Variants in IRAG2 observed in about 807,000 individuals in gnomAD.
IRAG2 encodes lymphoid restricted membrane protein.
In IRAG2, 45 loss-of-function variants were observed where a neutral mutation model predicts 69.9. The observed-to-expected ratio is 0.64, with a 90% confidence interval of 0.51 to 0.83. IRAG2 has a LOEUF of 0.83. Ranked by LOEUF, IRAG2 falls within the 40% of genes least tolerant of loss-of-function variation. The pLI, the probability that IRAG2 is intolerant of heterozygous loss-of-function variation, is 0.00. For synonymous variants in IRAG2, 193 were observed against 202.4 expected (o/e 0.95, Z 0.40); for missense variants, 520 against 587.0 (o/e 0.89, Z 1.18).
chr12:25,087,767 C>A (rs1273949864), intron 10 of IRAG2, among the ~76,000 whole-genome samples: 1 of 152,162 alleles, frequency 6.6e-6, no homozygotes, highest in African/African-American at 2.4e-5. Context: ...GACCACCTGA[C>A]CTCTGCCTCC....
At chr12:25,104,230 G>C (rs971137191) in intron 19 of IRAG2, 131 bp from the exon 20 acceptor site, 5 of 826,404 alleles carry the variant, frequency 6.1e-6, no homozygotes, top group African/African-American at 3.8e-5. Context: ...TAAAGTAGGA[G>C]ATCTGTGAAT....
At chr12:25,104,201 A>C in intron 19 of IRAG2, 143 bp downstream of exon 19, 1 of 865,342 alleles carries the variant, frequency 1.2e-6, no homozygotes, top group Non-Finnish European at 1.8e-6. Flanking sequence ...TTGGTATCTA[A>C]TTATGAAGTT....
At chr12:25,086,160 GAT>G (rs1565573720) in intron 10 of IRAG2, among the ~76,000 whole-genome samples, 2 of 152,158 alleles carry the variant, frequency 1.3e-5, no homozygotes, top group African/African-American at 4.8e-5. Flanking sequence ...GACTGGTTAG[GAT>G]ACTATGGCAA....
chr12:25,077,027 C>G (rs1183219516), intron 6 of IRAG2, among the ~76,000 whole-genome samples: 3 of 150,970 alleles, frequency 2.0e-5, no homozygotes, highest in East Asian at 3.9e-4. Context: ...AGGTGTACAC[C>G]ACTGTGCCCT....
At chr12:25,087,445 G>T (rs181059596) in intron 10 of IRAG2, among the ~76,000 whole-genome samples, 96 of 152,180 alleles carry the variant, frequency 6.3e-4, no homozygotes, top group Non-Finnish European at 1.3e-3. Flanking sequence ...TGAGATTACA[G>T]GCGTGAGCCA....
At position 25,077,875 on chromosome 12, in the gene IRAG2, C is replaced by T. The variant is rs903824600; in HGVS notation, c.25-1369C>T. Among the ~76,000 whole-genome samples the T allele has an allele frequency of 5.3e-5, 8 of 152,270 alleles. No individual in the cohort carries two copies. In the South Asian group the frequency reaches 1.0e-3, roughly 20 times the overall value. On this transcript the variant is annotated intron_variant, in intron 6 of 21. Coordinates refer to ENST00000556887, the MANE Select transcript of IRAG2 (RefSeq NM_001366544.2). Reference sequence around the variant, plus strand: ...TGATGCAGAAGTAGGTATAAATCCTCGCTTTGCAAGTTCGATTGTAGATTT... The same window carrying T: ...TGATGCAGAAGTAGGTATAAATCCTTGCTTTGCAAGTTCGATTGTAGATTT...
In IRAG2 at chr12:25,025,174, C is replaced by T. The variant is rs185230116; in HGVS notation, c.1383+1253C>T. 6.2e-4 allele frequency among the ~76,000 whole-genome samples: 94 copies of T among 152,064 alleles called. 2 individuals are homozygous for T. In the South Asian group the frequency reaches 0.017, roughly 27 times the overall value. ...GCTCATGTGGAACTAGTATGTTAGA[C>T]GGTAAAAAGAGCTATAGAGAAAAGA... On this transcript the variant is annotated intron_variant, in intron 8 of 38. Coordinates refer to the IRAG2 transcript ENST00000636465.
chr12:25,062,511 A>C (rs1319457991), intron 2 of IRAG2, among the ~76,000 whole-genome samples: 1 of 152,178 alleles, frequency 6.6e-6, no homozygotes, highest in Non-Finnish European at 1.5e-5. Context: ...TTTCACAGAC[A>C]CCATTTTCAC....
Position 25,012,143 on chromosome 12 carries a change from C to CTTTTTTTTTTTTTTTTTTT in IRAG2, c.896+592_896+593insTTTTTTTTTTTTTTTTTTT, listed in dbSNP as rs1944480147. On this transcript the variant is annotated intron_variant, in intron 3 of 38. Transcript: ENST00000636465. ...GTCTTCTTCCACAGAAAGCGAATTCCCTTTTTTTTTTTTTTTTTTTTTTTT... is the reference window on the plus strand; with the variant it reads ...GTCTTCTTCCACAGAAAGCGAATTCCTTTTTTTTTTTTTTTTTTTCTTTTTTTTTTTTTTTTTTTTTTTT... Among the ~76,000 whole-genome samples the CTTTTTTTTTTTTTTTTTTT allele has an allele frequency of 7.1e-4, 17 of 24,096 alleles. 8 individuals are homozygous for CTTTTTTTTTTTTTTTTTTT. Among genetic ancestry groups the CTTTTTTTTTTTTTTTTTTT allele is most frequent in the Non-Finnish European group, 6.8e-4 (5 of 7,326 alleles). 15.8% of individuals were successfully genotyped at this position (24,096 alleles called of 152,430 possible). A position where few individuals can be genotyped will look rare whatever the true frequency, so the allele number is the denominator to read the frequency against.
In IRAG2 at chr12:25,062,890, A is replaced by G; in HGVS notation, c.-314A>G. On this transcript the variant is annotated 5_prime_UTR_variant, in exon 3 of 22. Transcript: ENST00000556887. ...GCAGATGCAATTCAACAACCTCTTC[A>G]AGAAAAATTGGTAATTGCGAGCTTT... The G allele has an allele frequency of 2.5e-6, 1 of 399,014 alleles. No homozygotes were observed. Among genetic ancestry groups the G allele is most frequent in the Admixed American group, 4.4e-5 (1 of 22,736 alleles). 24.7% of individuals were successfully genotyped at this position (399,014 alleles called of 1,614,324 possible).
At chr12:24,999,534 G>C (rs935086362), upstream of IRAG2, among the ~76,000 whole-genome samples, 1 of 152,142 alleles carries the variant, frequency 6.6e-6, no homozygotes, top group Admixed American at 6.5e-5. Flanking sequence ...AAGCAGTATC[G>C]ATAATCTCTA....
At chr12:25,030,545 G>T (rs1335698346) in intron 10 of IRAG2, among the ~76,000 whole-genome samples, 1 of 151,954 alleles carries the variant, frequency 6.6e-6, no homozygotes, top group Non-Finnish European at 1.5e-5. Context: ...TTGCCACCAA[G>T]CCAGCTAATT....
At chr12:25,037,986 A>G (rs1312992026) in exon 16 of IRAG2, 2 of 398,750 alleles carry the variant, frequency 5.0e-6, no homozygotes, top group African/African-American at 4.1e-5. Context: ...ATTCAACAAT[A>G]TCATGGAAGA....
chr12:25,075,810 A>C (rs1378223816), intron 6 of IRAG2: 1 of 152,108 alleles, frequency 6.6e-6, no homozygotes, highest in African/African-American at 2.4e-5. Flanking sequence ...CATGTAAGTG[A>C]ATCTCTCATC....
intron 6 of IRAG2, chr12:25,017,302 A>G (rs892393430): frequency 4.9e-6 from 6 of 1,232,040 alleles, no homozygotes; most frequent in Non-Finnish European, 6.1e-6. Context: ...GGTGAGCCAC[A>G]GTGGGGTCCA....
intron 7 of IRAG2, chr12:25,020,945 A>G: frequency 9.5e-7 from 1 of 1,055,998 alleles, no homozygotes; most frequent in Non-Finnish European, 1.2e-6. Context: ...TTTGGCGTAT[A>G]ATTTACATAA....
At chr12:25,013,860 CTTTTTCTTTTTTTTTTTTT>C (rs1307064514) in intron 3 of IRAG2, among the ~76,000 whole-genome samples, 18 of 78,136 alleles carry the variant, frequency 2.3e-4, no homozygotes, top group Non-Finnish European at 2.3e-4. Flanking sequence ...TTTTTGTTTT[CTTTTTCTTTTTTTTTTTTT>C]TTTTTTTTTT....
chr12:25,030,766 C>A (rs1354613882), intron 10 of IRAG2, among the ~76,000 whole-genome samples: 1 of 152,240 alleles, frequency 6.6e-6, no homozygotes, highest in East Asian at 1.9e-4. Flanking sequence ...CATATCTTCT[C>A]TAAATTCTGG....
At chr12:25,053,510 T>C (rs116926624) in intron 1 of IRAG2, among the ~76,000 whole-genome samples, 1 of 152,106 alleles carries the variant, frequency 6.6e-6, no homozygotes, top group Non-Finnish European at 1.5e-5. Flanking sequence ...TTTTAAAAAT[T>C]GGAATATTTG....
Sources: gnomAD v4.1 joint callset for allele counts (sites outside exome capture counted in the v4.1 genomes callset) on GRCh38, gnomAD v4.1.1 for gene constraint, MANE v1.5 for transcripts, NCBI Gene and HGNC (gene_info 2026-07-23, HGNC 2026-07-21) for gene names.